Variants in MAGI2 observed in about 807,000 individuals in gnomAD.
MAGI2 encodes membrane associated guanylate kinase, WW and PDZ domain containing 2.
MAGI2 carries 35 observed loss-of-function variants against 133.3 expected under a neutral mutation model. The observed-to-expected ratio is 0.26, with a 90% confidence interval of 0.20 to 0.35. The LOEUF is 0.35. Among genes scored for constraint, MAGI2 ranks in the 10% least tolerant of loss-of-function variants. The pLI is 1.00. For synonymous variants in MAGI2, 729 were observed against 710.6 expected, an observed-to-expected ratio of 1.03 and a Z score of -0.41; for missense variants, 1,636 against 1,863.4, an observed-to-expected ratio of 0.88 and a Z score of 2.25.
chr7:78,869,405 G>A (rs1794844991), intron 2 of MAGI2, among the ~76,000 whole-genome samples: 1 of 152,122 alleles, frequency 6.6e-6, no homozygotes, highest in African/African-American at 2.4e-5. Context: ...TTTGTGCAGA[G>A]TGAGAGATGA....
intron 3 of MAGI2, among the ~76,000 whole-genome samples, chr7:78,611,701 G>A (rs1449283944): frequency 6.6e-5 from 10 of 152,220 alleles, no homozygotes; most frequent in African/African-American, 2.4e-4. Context: ...AGCCTGGGAT[G>A]CAAACAATTC....
At chr7:78,344,643 A>T (rs1205937013) in intron 8 of MAGI2, among the ~76,000 whole-genome samples, 2 of 152,200 alleles carry the variant, frequency 1.3e-5, no homozygotes, top group Non-Finnish European at 2.9e-5. Context: ...TGGCTCCGAT[A>T]GTGTTTAGTA....
intron 21 of MAGI2, among the ~76,000 whole-genome samples, chr7:78,051,765 A>G (rs1175597914): frequency 6.6e-6 from 1 of 151,198 alleles, no homozygotes; most frequent in Non-Finnish European, 1.5e-5. Context: ...TTGTATTTTT[A>G]GTAAAGATAG....
intron 3 of MAGI2, among the ~76,000 whole-genome samples, chr7:78,561,253 A>T (rs1405569921): frequency 3.3e-5 from 5 of 152,164 alleles, no homozygotes; most frequent in Non-Finnish European, 7.4e-5. Flanking sequence ...AGACAGATGA[A>T]TTAGTGTTTG....
At chr7:78,173,827 C>T (rs1051047781) in intron 14 of MAGI2, among the ~76,000 whole-genome samples, 3 of 152,088 alleles carry the variant, frequency 2.0e-5, no homozygotes, top group African/African-American at 7.2e-5. Flanking sequence ...GGAACTGCAG[C>T]CAGGCTCAGT....
At chr7:78,414,354 TTTTG>T (rs1169723933) in intron 6 of MAGI2, among the ~76,000 whole-genome samples, 6 of 151,996 alleles carry the variant, frequency 3.9e-5, no homozygotes, top group Admixed American at 6.6e-5. Flanking sequence ...AATTGACTAA[TTTTG>T]TTTAACAAAA....
intron 3 of MAGI2, among the ~76,000 whole-genome samples, chr7:78,547,420 C>T (rs1036643187): frequency 3.3e-5 from 5 of 152,346 alleles, no homozygotes; most frequent in Admixed American, 6.5e-5. Context: ...TGAGTGCTTT[C>T]GCACCTCATA....
chr7:79,433,003 T>C (rs1315707462), intron 1 of MAGI2, among the ~76,000 whole-genome samples: 1 of 152,070 alleles, frequency 6.6e-6, no homozygotes, highest in Non-Finnish European at 1.5e-5. Context: ...CTAGAGCAAA[T>C]GGCAAAGAAA....
intron 2 of MAGI2, among the ~76,000 whole-genome samples, chr7:78,966,699 A>C (rs1202238758): frequency 1.3e-5 from 2 of 152,064 alleles, no homozygotes; most frequent in Non-Finnish European, 2.9e-5. Flanking sequence ...CAGAAGTGGG[A>C]TTGTTGGCAC....
At chr7:78,382,300 T>G (rs2151294466) in intron 6 of MAGI2, among the ~76,000 whole-genome samples, 1 of 152,188 alleles carries the variant, frequency 6.6e-6, no homozygotes, top group African/African-American at 2.4e-5. Flanking sequence ...GGAATGAGAC[T>G]TCTCTGAGTA....
At chr7:78,223,413 A>G (rs1463866123) in intron 10 of MAGI2, among the ~76,000 whole-genome samples, 1 of 152,180 alleles carries the variant, frequency 6.6e-6, no homozygotes, top group Non-Finnish European at 1.5e-5. Context: ...ATTTCTGAAA[A>G]TAGAAATTAT....
intron 2 of MAGI2, among the ~76,000 whole-genome samples, chr7:78,864,710 G>T (rs958444726): frequency 5.9e-5 from 9 of 151,932 alleles, no homozygotes; most frequent in Admixed American, 4.6e-4. Flanking sequence ...TATAATCTTT[G>T]GTTGTCATAA....
chr7:78,655,454 C>CAAAAAAAAAAAAAAAA, intron 2 of MAGI2, among the ~76,000 whole-genome samples: 2 of 64,948 alleles, frequency 3.1e-5, no homozygotes, highest in Non-Finnish European at 5.6e-5. Context: ...AAAAAACAAC[C>CAAAAAAAAAAAAAAAA]AAAAAAAAAA....
chr7:79,252,793 G>A (rs1833407742), intron 1 of MAGI2, among the ~76,000 whole-genome samples: 2 of 152,040 alleles, frequency 1.3e-5, no homozygotes, highest in Non-Finnish European at 2.9e-5. Flanking sequence ...TTAATATTAA[G>A]AGACAAATTC....
intron 1 of MAGI2, among the ~76,000 whole-genome samples, chr7:79,118,819 C>G (rs1269918815): frequency 6.6e-6 from 1 of 152,062 alleles, no homozygotes; most frequent in Non-Finnish European, 1.5e-5. Flanking sequence ...GAATTGGCTT[C>G]AGGATATCAT....
chr7:79,010,013 C>T (rs897160439), intron 1 of MAGI2, among the ~76,000 whole-genome samples: 2 of 151,954 alleles, frequency 1.3e-5, no homozygotes, highest in Admixed American at 6.6e-5. Context: ...AGTTGAACAA[C>T]TGTACCTGAT....
intron 11 of MAGI2, among the ~76,000 whole-genome samples, chr7:78,196,691 C>A (rs1198226910): frequency 6.6e-6 from 1 of 152,164 alleles, no homozygotes; most frequent in Non-Finnish European, 1.5e-5. Flanking sequence ...CCACCTGGGA[C>A]TGGGACTGTG....
At chr7:78,091,311 G>A (rs1176436190) in intron 20 of MAGI2, among the ~76,000 whole-genome samples, 1 of 152,140 alleles carries the variant, frequency 6.6e-6, no homozygotes, top group African/African-American at 2.4e-5. Flanking sequence ...AAAAGGGCTT[G>A]CGGGAGTGGG....
chr7:78,131,406 G>A (rs974065511), intron 18 of MAGI2, among the ~76,000 whole-genome samples: 1 of 152,206 alleles, frequency 6.6e-6, no homozygotes, highest in African/African-American at 2.4e-5. Context: ...ACCACCTGTG[G>A]CACAGGGAAC....
Sources: gnomAD v4.1 joint callset for allele counts (sites outside exome capture counted in the v4.1 genomes callset) on GRCh38, gnomAD v4.1.1 for gene constraint, MANE v1.5 for transcripts, NCBI Gene and HGNC (gene_info 2026-07-23, HGNC 2026-07-21) for gene names.